The following ZNF717 variants were observed in gnomAD, a reference collection of about 807,000 sequenced individuals.
ZNF717 encodes the protein krueppel-like factor X17.
Under a neutral mutation model 13.8 loss-of-function variants are expected in ZNF717, and 9 were observed. The ratio of observed to expected loss-of-function variants is 0.65; its 90% CI spans 0.39 to 1.14. The LOEUF is 1.14. ZNF717 is among the 50% of genes most tolerant of loss of function. ZNF717 has a pLI of 0.01. For synonymous variants in ZNF717, 327 were observed against 364.1 expected (o/e 0.90, Z 1.16); for missense variants, 1,040 against 1,080.7 (o/e 0.96, Z 0.53).
At chr3:75,702,258 A>T (rs1937710780) in intron 6 of ZNF717, among the ~76,000 whole-genome samples, 1 of 152,310 alleles carries the variant, frequency 6.6e-6, no homozygotes, top group African/African-American at 2.4e-5. Context: ...AAAATGTGGT[A>T]CATATACACA....
Position 75,739,275 on chromosome 3 carries a change from T to G in ZNF717, c.348A>C (p.Val116=). Reference sequence around the variant, plus strand: ...GAGTTGATGTGTTGCTGTTGGTGATTACAATTTGCCAGAAAAATCTATCAT... The same window carrying G: ...GAGTTGATGTGTTGCTGTTGGTGATGACAATTTGCCAGAAAAATCTATCAT... ...ESHDRFFWQI[V]ITNSNTSTQE... is the part of the protein sequence containing the mutation. Residue 116 remains valine (V), a synonymous_variant, in exon 5 of 5, where the codon GTA becomes GTC. Transcript: ENST00000652011. The G allele has an allele frequency of 6.6e-7, 1 of 1,523,324 alleles. No individual in the cohort carries two copies. The highest frequency in any genetic ancestry group is 8.8e-7 in the Non-Finnish European group (1 of 1,134,898). 94.4% of individuals were successfully genotyped at this position (1,523,324 alleles called of 1,614,324 possible). A position where few individuals can be genotyped will look rare whatever the true frequency, so the allele number is the denominator to read the frequency against.
chr3:75,777,288 G>GT (rs1944398689), intron 2 of ZNF717, among the ~76,000 whole-genome samples: 1 of 152,100 alleles, frequency 6.6e-6, no homozygotes, highest in Non-Finnish European at 1.5e-5. Flanking sequence ...AACAATGGGA[G>GT]TGACATGCTA....
In ZNF717 at chr3:75,741,336, T is replaced by G; in HGVS notation, c.217A>C (p.Lys73Gln). Residue 73 changes from lysine (K) to glutamine (Q), a missense_variant, in exon 4 of 5, where the codon AAG becomes CAG. Lys to Gln is a moderately conservative substitution (Grantham distance 53). Transcript: ENST00000652011. ...HYITKPEMIF[K>Q]LEQGAEPWIV... ...CATGGCTCTGCTCCTTGCTCTAGCT[T>G]GAAGATCATCTCAGGTTTGGTAATG... 6.5e-7 allele frequency: 1 copy of G among 1,549,570 alleles called. No homozygotes were observed. The highest frequency in any genetic ancestry group is 2.0e-5 in the Admixed American group (1 of 51,000).
At position 75,738,486 on chromosome 3, in the gene ZNF717, C is replaced by T. The variant is rs28632074; in HGVS notation, c.1137G>A (p.Lys379=). 3 of 1,531,718 alleles carry T rather than the reference C, an allele frequency of 2.0e-6. No individual in the cohort carries two copies. The highest frequency in any genetic ancestry group is 1.4e-5 in the African/African-American group (1 of 72,546). 94.9% of individuals were successfully genotyped at this position (1,531,718 alleles called of 1,614,324 possible). The change falls in exon 5 of 5, where the codon AAG becomes AAA. Residue 379 remains lysine, a synonymous_variant. Coordinates refer to ENST00000652011, the MANE Select transcript of ZNF717 (RefSeq NM_001290208.3). ...CIECGKTFHC[K]SLLTLHHRTH... Reference sequence around the variant, plus strand: ...TTCTGTGATGTAAAGTGAGAAGTGACTTACAGTGAAAAGTTTTTCCACATT... The same window carrying T: ...TTCTGTGATGTAAAGTGAGAAGTGATTTACAGTGAAAAGTTTTTCCACATT...
chr3:75,724,807 C>T (rs571963157), intron 4 of ZNF717, among the ~76,000 whole-genome samples: 6 of 148,744 alleles, frequency 4.0e-5, no homozygotes, highest in East Asian at 2.0e-4. Context: ...CAAAAACAAG[C>T]GAAAAAGACA....
At chr3:75,764,565 G>A (rs77553310) in intron 2 of ZNF717, among the ~76,000 whole-genome samples, 11 of 152,104 alleles carry the variant, frequency 7.2e-5, no homozygotes, top group Admixed American at 6.6e-4. Flanking sequence ...AAAAAACCCC[G>A]CTACAACCCA....
chr3:75,720,150 T>C (rs1938140687), intron 4 of ZNF717, among the ~76,000 whole-genome samples: 1 of 151,874 alleles, frequency 6.6e-6, no homozygotes, highest in Admixed American at 6.6e-5. Flanking sequence ...ACTGGGTGTA[T>C]ACCCAAAAGA....
At chr3:75,723,847 A>G (rs1266775172) in intron 4 of ZNF717, among the ~76,000 whole-genome samples, 1 of 151,590 alleles carries the variant, frequency 6.6e-6, no homozygotes, top group African/African-American at 2.4e-5. Flanking sequence ...GTTAGAGAAG[A>G]CTCTGCTCCA....
chr3:75,726,028 C>T (rs77343828), downstream of ZNF717, among the ~76,000 whole-genome samples: 24 of 152,192 alleles, frequency 1.6e-4, no homozygotes, highest in African/African-American at 5.8e-4. Context: ...CATTATGAAA[C>T]CCATCTGTGT....
At chr3:75,774,863 T>C (rs1355407502) in intron 2 of ZNF717, among the ~76,000 whole-genome samples, 1 of 152,118 alleles carries the variant, frequency 6.6e-6, no homozygotes, top group East Asian at 1.9e-4. Context: ...TCGTGATCCG[T>C]CCATCTCGGC....
intron 2 of ZNF717, 22 bp downstream of exon 2, chr3:75,783,284 G>C: frequency 6.5e-7 from 1 of 1,537,098 alleles, no homozygotes; most frequent in South Asian, 1.2e-5. Context: ...AAAACAAAGT[G>C]AAGAACAAAT....
At chr3:75,773,730 G>C (rs1229695656) in intron 2 of ZNF717, among the ~76,000 whole-genome samples, 2 of 152,130 alleles carry the variant, frequency 1.3e-5, no homozygotes, top group South Asian at 2.1e-4. Flanking sequence ...TGGTGAGGAG[G>C]GCGACAGAGC....
At chr3:75,696,590 A>T (rs1175560344) in intron 6 of ZNF717, among the ~76,000 whole-genome samples, 1 of 152,072 alleles carries the variant, frequency 6.6e-6, no homozygotes, top group African/African-American at 2.4e-5. Context: ...AATGTGATAC[A>T]TCACATAAAC....
chr3:75,735,488 G>A (rs1282830910), downstream of ZNF717, among the ~76,000 whole-genome samples: 13 of 48,246 alleles, frequency 2.7e-4, no homozygotes, highest in Non-Finnish European at 4.0e-4. Context: ...AGGTATTGTG[G>A]TGCATACTTG....
intron 2 of ZNF717, among the ~76,000 whole-genome samples, chr3:75,751,711 G>A (rs1319879671): frequency 6.6e-6 from 1 of 150,474 alleles, no homozygotes; most frequent in Non-Finnish European, 1.5e-5. Flanking sequence ...CCCTCACATA[G>A]GATTCCAGAA....
At chr3:75,734,579 C>A (rs1938916201), downstream of ZNF717, among the ~76,000 whole-genome samples, 1 of 150,186 alleles carries the variant, frequency 6.7e-6, no homozygotes, top group Non-Finnish European at 1.5e-5. Flanking sequence ...ACAACAGACA[C>A]CCACCACCAC....
intron 2 of ZNF717, among the ~76,000 whole-genome samples, chr3:75,746,206 T>C (rs1941156547): frequency 1.3e-5 from 2 of 152,246 alleles, no homozygotes; most frequent in Non-Finnish European, 2.9e-5. Flanking sequence ...CATGAACTTA[T>C]CATTTTTTAT....
At position 75,737,341 on chromosome 3, in the gene ZNF717, T is replaced by A. The variant is rs1448743856; in HGVS notation, c.2282A>T (p.Asn761Ile). The A allele has an allele frequency of 1.3e-6, 2 of 1,552,628 alleles. No homozygotes were observed. Among genetic ancestry groups the A allele is most frequent in the Non-Finnish European group, 1.7e-6 (2 of 1,147,562 alleles). The change falls in exon 5 of 5, where the codon AAT becomes ATT. Residue 761 changes from asparagine (N) to isoleucine (I), a missense_variant. This residue lies in a region of ZNF717 where 873 missense variants were observed against 832.8 expected (regional missense o/e 1.05). Transcript: ENST00000652011. Reference protein sequence around the residue: ...THTGEKPYECNECGKTFCHKS... With the variant: ...THTGEKPYECIECGKTFCHKS... ...GTGACAAAAGGTTTTCCCACACTCA[T>A]TACATTCATAAGGTTTTTCTCCGGT...
chr3:75,760,023 A>AT (rs1397098089), intron 2 of ZNF717, among the ~76,000 whole-genome samples: 19 of 151,908 alleles, frequency 1.3e-4, no homozygotes, highest in African/African-American at 4.1e-4. Flanking sequence ...TATGTCTGAA[A>AT]TTTTTTCTTT....
Sources: gnomAD v4.1 joint callset for allele counts (sites outside exome capture counted in the v4.1 genomes callset) on GRCh38, gnomAD v4.1.1 for gene constraint, gnomAD v4.1.1 regional missense constraint, MANE v1.5 for transcripts, NCBI Gene and HGNC (gene_info 2026-07-23, HGNC 2026-07-21) for gene names.